The following DNM2 variants were observed in gnomAD, a reference collection of about 807,000 sequenced individuals.
The protein encoded by DNM2 is dynamin 2, also known as dynamin-2.
DNM2 carries 15 observed loss-of-function variants against 99.0 expected under a neutral mutation model. The observed-to-expected ratio is 0.15, with a 90% CI of 0.10 to 0.23. The LOEUF (loss-of-function observed/expected upper bound fraction) is 0.23. DNM2 is among the 10% of genes least tolerant of loss of function. The pLI, the probability that DNM2 is intolerant of heterozygous loss-of-function variation, is 1.00. For missense variants in DNM2, 742 were observed against 1,189.4 expected (o/e 0.62, Z 5.53); for synonymous variants, 525 against 481.2 (o/e 1.09, Z -1.19).
intron 1 of DNM2, among the ~76,000 whole-genome samples, chr19:10,748,251 T>C (rs1168808626): frequency 4.6e-5 from 7 of 152,108 alleles, no homozygotes; most frequent in Non-Finnish European, 1.0e-4. Context: ...ACGACTGCAC[T>C]GGTGTAGGCA....
Position 10,816,017 on chromosome 19 carries a change from C to T in DNM2, c.1671+3640C>T, listed in dbSNP as rs1304515751. Reference sequence around the variant, plus strand: ...GAGGCCACACCTGAGGAGAACCCTACTCCCCGTGAGGAAACCCTCACGCTT... The same window carrying T: ...GAGGCCACACCTGAGGAGAACCCTATTCCCCGTGAGGAAACCCTCACGCTT... On this transcript the variant is annotated intron_variant, in intron 15 of 20. Coordinates refer to ENST00000389253, the MANE Select transcript of DNM2 (RefSeq NM_001005361.3). This position sits in a 1 kb window ranked among gnomAD's most constrained non-coding sequence, Gnocchi z 4.6. Among the ~76,000 whole-genome samples the T allele has an allele frequency of 6.6e-6, 1 of 152,160 alleles. No homozygotes were observed. Among genetic ancestry groups the T allele is most frequent in the East Asian group, 1.9e-4 (1 of 5,186 alleles).
At position 10,772,864 on chromosome 19, in the gene DNM2, G is replaced by A. The variant is rs561759178; in HGVS notation, c.385+236G>A. ...TGCCAAGAAGTTGTTTGGAGTGGTG[G>A]GGGATTGCAGCCATTTCCCCCTTTT... is the stretch of plus-strand genomic sequence containing the variant. On this transcript the variant is annotated intron_variant, in intron 3 of 20. Coordinates refer to ENST00000389253, the MANE Select transcript of DNM2 (RefSeq NM_001005361.3). This position sits in a 1 kb window ranked among gnomAD's most constrained non-coding sequence, Gnocchi z 4.9. Among the ~76,000 whole-genome samples, 6 of 152,286 alleles carry A rather than the reference G, an allele frequency of 3.9e-5. No homozygotes were observed. In the East Asian group the frequency reaches 1.2e-3, roughly 29 times the overall value.
chr19:10,734,610 G>C (rs1456392090), intron 1 of DNM2, among the ~76,000 whole-genome samples: 1 of 119,278 alleles, frequency 8.4e-6, no homozygotes, highest in African/African-American at 3.4e-5. Flanking sequence ...TTGCACACCA[G>C]CCCGGGCAAC....
At chr19:10,753,608 C>T (rs1215130194) in intron 1 of DNM2, among the ~76,000 whole-genome samples, 4 of 151,820 alleles carry the variant, frequency 2.6e-5, no homozygotes, top group Non-Finnish European at 4.4e-5. Context: ...ATGGATAGGC[C>T]ATAATTTATA....
rs532010991 is a variant in DNM2, at chr19:10,818,612, T to C, written c.1672-1368T>C. Among the ~76,000 whole-genome samples, 2 of 152,280 alleles carry C rather than the reference T, an allele frequency of 1.3e-5. No homozygotes were observed. Among genetic ancestry groups the C allele is most frequent in the Middle Eastern group, 6.8e-3 (2 of 294 alleles). On this transcript the variant is annotated intron_variant, in intron 15 of 20. Coordinates refer to ENST00000389253, the MANE Select transcript of DNM2 (RefSeq NM_001005361.3). The surrounding 1 kb of genome is among the most constrained non-coding windows in gnomAD (Gnocchi z 4.3). ...GGCTCCCCTTGCAAAGTCCTGACAG[T>C]CCCAGCTGGCCCCCACTTGCCAGGG...
rs1417522141 is a variant in DNM2, at chr19:10,765,525, G to A, written c.235+5714G>A. On this transcript the variant is annotated intron_variant, in intron 2 of 20. Transcript: ENST00000389253. This position sits in a 1 kb window ranked among gnomAD's most constrained non-coding sequence, Gnocchi z 4.4. ...TATCTAGAGAGCAGACCAAGCTGGC[G>A]TGCGTCAGGCTGTGGGCTGGCTGGG... 3.3e-5 allele frequency among the ~76,000 whole-genome samples: 5 copies of A among 152,216 alleles called. No homozygotes were observed. The highest frequency in any genetic ancestry group is 5.9e-5 in the Non-Finnish European group (4 of 68,028).
In DNM2 at chr19:10,803,778, G is replaced by A. The variant is rs540485792; in HGVS notation, c.1493+1420G>A. On this transcript the variant is annotated intron_variant, in intron 12 of 20. Transcript: ENST00000389253. ...TCCCTGGGGCCCGCTGAAGAGCTAC[G>A]GGGTGCTCTCTCAGAGCCAGGGCCA... 52 of 822,504 alleles carry A rather than the reference G, an allele frequency of 6.3e-5. No individual in the cohort carries two copies. In the African/African-American group the frequency reaches 7.8e-4, roughly 12 times the overall value. 51.0% of individuals were successfully genotyped at this position (822,504 alleles called of 1,614,324 possible). A position where few individuals can be genotyped will look rare whatever the true frequency, so the allele number is the denominator to read the frequency against.
Position 10,829,272 on chromosome 19 carries a change from C to T in DNM2, c.2291+4C>T, listed in dbSNP as rs200408852. 51 of 1,612,404 alleles carry T rather than the reference C, an allele frequency of 3.2e-5. 1 individual carries two copies. The East Asian group carries it at 8.9e-4, about 28-fold the overall frequency. ...TCCAGAGCGCCAGCAGCCACAGGTC[C>T]GGAAGCCTGGTTCCCCTACCCTCAA... On this transcript the variant is annotated splice_donor_region_variant and intron_variant, in intron 19 of 20. Coordinates refer to ENST00000389253, the MANE Select transcript of DNM2 (RefSeq NM_001005361.3).
intron 1 of DNM2, among the ~76,000 whole-genome samples, chr19:10,749,539 T>C (rs1965767): frequency 0.66 from 100,000 of 152,200 alleles, 33,173 homozygotes; most frequent in African/African-American, 0.73. Flanking sequence ...TGTGGCAGAC[T>C]GGAAGTGTCC....
Position 10,795,108 on chromosome 19 carries a change from A to G in DNM2, c.1129-264A>G, listed in dbSNP as rs1234244825. On this transcript the variant is annotated intron_variant, in intron 8 of 20. Transcript: ENST00000389253. This position sits in a 1 kb window ranked among gnomAD's most constrained non-coding sequence, Gnocchi z 4.2. ...GCCAATTTTTGTATTTTTAGTAGAGATGGGGTCTCACTATGTTGCCCAGGC... is the reference window on the plus strand; with the variant it reads ...GCCAATTTTTGTATTTTTAGTAGAGGTGGGGTCTCACTATGTTGCCCAGGC... Among the ~76,000 whole-genome samples the G allele has an allele frequency of 1.3e-5, 2 of 152,024 alleles. No individual in the cohort carries two copies. Among genetic ancestry groups the G allele is most frequent in the Admixed American group, 1.3e-4 (2 of 15,262 alleles).
Position 10,783,002 on chromosome 19 carries a change from G to T in DNM2, c.731G>T (p.Gly244Val), listed in dbSNP as rs1328830231. Residue 244 changes from glycine (G) to valine (V), a missense_variant, in exon 6 of 21, where the codon GGC becomes GTC. By Grantham distance (109) the Gly-to-Val change is moderately radical. This residue lies in a region of DNM2 where 192 missense variants were observed against 358.9 expected (regional missense o/e 0.54). Coordinates refer to ENST00000389253, the MANE Select transcript of DNM2 (RefSeq NM_001005361.3). Reference protein sequence around the residue: ...VVNRSQKDIEGKKDIRAALAA... With the variant: ...VVNRSQKDIEVKKDIRAALAA... ...AACCGCAGCCAGAAGGATATTGAGG[G>T]CAAGAAGGACATCCGTGCAGCACTG... 6.2e-7 allele frequency: 1 copy of T among 1,614,158 alleles called. No homozygotes were observed. The highest frequency in any genetic ancestry group is 8.5e-7 in the Non-Finnish European group (1 of 1,180,052).
intron 1 of DNM2, among the ~76,000 whole-genome samples, chr19:10,728,754 C>G (rs1323970555): frequency 6.6e-6 from 1 of 152,106 alleles, no homozygotes; most frequent in Non-Finnish European, 1.5e-5. Flanking sequence ...TCGAGACCAG[C>G]CTGGCCAGCA....
chr19:10,725,061 T>G (rs1296817566), intron 1 of DNM2, among the ~76,000 whole-genome samples: 1 of 152,226 alleles, frequency 6.6e-6, no homozygotes, highest in Non-Finnish European at 1.5e-5. Context: ...GGTTTGTCCC[T>G]TTAACAGATC....
intron 1 of DNM2, 190 bp from the exon 2 acceptor site, chr19:10,759,548 A>G (rs2070545472): frequency 2.9e-6 from 2 of 689,866 alleles, no homozygotes; most frequent in South Asian, 1.6e-5. Context: ...CCTTCCATGC[A>G]TACCTTCCTG....
rs1452937007 is a variant in DNM2, at chr19:10,746,733, TG to T, written c.162-13004del. Among the ~76,000 whole-genome samples the T allele has an allele frequency of 5.1e-3, 625 of 123,012 alleles. 54 individuals are homozygous for T. The highest frequency in any genetic ancestry group is 0.03 in the South Asian group (100 of 3,370). The allele number at this position is 123,012 out of a possible 152,430, so 80.7% of individuals were successfully genotyped here. On this transcript the variant is annotated intron_variant, in intron 1 of 20. Transcript: ENST00000389253. Reference sequence around the variant, plus strand: ...CCGTGCCGGCTTTTTTTTTGTTTTTTGTTTTTTTTTTTTTTGAGACAGTCTC... The same window carrying T: ...CCGTGCCGGCTTTTTTTTTGTTTTTTTTTTTTTTTTTTTTGAGACAGTCTC...
At chr19:10,747,984 T>C (rs1376253952) in intron 1 of DNM2, among the ~76,000 whole-genome samples, 1 of 152,016 alleles carries the variant, frequency 6.6e-6, no homozygotes, top group Non-Finnish European at 1.5e-5. Flanking sequence ...GGACAGTGTC[T>C]GGTGTGTTTC....
At chr19:10,726,952 G>C (rs972493271) in intron 1 of DNM2, among the ~76,000 whole-genome samples, 1 of 152,190 alleles carries the variant, frequency 6.6e-6, no homozygotes, top group Non-Finnish European at 1.5e-5. Flanking sequence ...TACTCAGAGG[G>C]ATCTAGAAGA....
intron 1 of DNM2, among the ~76,000 whole-genome samples, chr19:10,729,866 TA>T (rs199768742): frequency 1.0e-3 from 152 of 151,700 alleles, no homozygotes; most frequent in African/African-American, 3.5e-3. Context: ...TATGGGTGGT[TA>T]TTTTTTTTTT....
At chr19:10,787,925 T>C (rs1169557922) in intron 7 of DNM2, among the ~76,000 whole-genome samples, 2 of 150,446 alleles carry the variant, frequency 1.3e-5, no homozygotes, top group Non-Finnish European at 3.0e-5. Flanking sequence ...CAAGACTCCG[T>C]CTCCAAAAAA....
Sources: allele counts gnomAD v4.1 joint callset (sites outside exome capture counted in the v4.1 genomes callset), GRCh38; gene constraint gnomAD v4.1.1; regional missense constraint gnomAD v4.1.1; non-coding constraint Gnocchi (gnomAD v3.1); transcripts MANE v1.5; gene names NCBI Gene and HGNC (gene_info 2026-07-23, HGNC 2026-07-21).